OOSP4A: variants seen among roughly 807,000 people sequenced by gnomAD.
The protein encoded by OOSP4A is oocyte-secreted protein 4A.
chr11:59,968,826 A>G (rs1854128824), intron 3 of OOSP4A, among the ~76,000 whole-genome samples: 1 of 152,214 alleles, frequency 6.6e-6, no homozygotes, highest in Non-Finnish European at 1.5e-5. Flanking sequence ...CATTCTCTGT[A>G]GATGTCTGTT....
chr11:59,966,763 C>G (rs113921857), intron 2 of OOSP4A, among the ~76,000 whole-genome samples: 1 of 152,080 alleles, frequency 6.6e-6, no homozygotes, highest in Admixed American at 6.6e-5. Flanking sequence ...TGTGAGCCAA[C>G]GTGCCTGGCC....
intron 1 of OOSP4A, among the ~76,000 whole-genome samples, chr11:59,964,453 G>C (rs1355100685): frequency 6.6e-6 from 1 of 152,084 alleles, no homozygotes; most frequent in Admixed American, 6.6e-5. Flanking sequence ...GTGCCTAAGA[G>C]AGGAGGTTAC....
intron 1 of OOSP4A, among the ~76,000 whole-genome samples, chr11:59,964,989 C>T (rs1854082843): frequency 6.6e-6 from 1 of 151,894 alleles, no homozygotes; most frequent in Admixed American, 6.6e-5. Flanking sequence ...ACAAAGTGTG[C>T]ATGTTGCGAT....
chr11:59,965,489 A>AG (rs1224114994), intron 1 of OOSP4A, 46 bp from the exon 2 acceptor site: 1 of 398,124 alleles, frequency 2.5e-6, no homozygotes, highest in Non-Finnish European at 4.4e-6. Flanking sequence ...GTTTGGGGGC[A>AG]GACGTACTAT....
chr11:59,970,166 A>T, downstream of OOSP4A: 1 of 397,672 alleles, frequency 2.5e-6, no homozygotes, highest in Non-Finnish European at 4.4e-6. Flanking sequence ...CTGCTTGAGG[A>T]TTTCATTGCC....
At chr11:59,967,390 A>G (rs547859420) in intron 3 of OOSP4A, among the ~76,000 whole-genome samples, 2 of 152,332 alleles carry the variant, frequency 1.3e-5, no homozygotes, top group South Asian at 2.1e-4. Context: ...ATTGAATTCT[A>G]CAGTCACTAA....
intron 2 of OOSP4A, among the ~76,000 whole-genome samples, chr11:59,966,029 A>T (rs1854094913): frequency 6.6e-6 from 1 of 152,046 alleles, no homozygotes; most frequent in African/African-American, 2.4e-5. Context: ...AGTTTGAGAG[A>T]AACATTTCGT....
At chr11:59,966,370 C>T (rs1425449825) in intron 2 of OOSP4A, among the ~76,000 whole-genome samples, 2 of 151,160 alleles carry the variant, frequency 1.3e-5, no homozygotes, top group East Asian at 3.9e-4. Context: ...TTGGCAAGTA[C>T]TCAATTTAGC....
chr11:59,966,890 AT>A (rs1232691136), intron 2 of OOSP4A, among the ~76,000 whole-genome samples, 176 bp from the exon 3 acceptor site: 1 of 152,136 alleles, frequency 6.6e-6, no homozygotes, highest in African/African-American at 2.4e-5. Flanking sequence ...AAAACCAGGG[AT>A]TTTTATCACT....
chr11:59,965,780 C>T lies in OOSP4A; in HGVS notation c.246+67C>T, dbSNP rs899891575. The T allele has an allele frequency of 7.5e-6, 3 of 397,624 alleles. No individual in the cohort carries two copies. In the South Asian group the frequency reaches 4.0e-4, roughly 54 times the overall value. The allele number at this position is 397,624 out of a possible 1,614,324, so 24.6% of individuals were successfully genotyped here. On this transcript the variant is annotated intron_variant, in intron 2 of 4. Transcript: ENST00000645590. Reference sequence around the variant, plus strand: ...CTGTTTTGGGTCCACAAACCAATGACTAAAACTGCAGTATTCACATTTTAA... The same window carrying T: ...CTGTTTTGGGTCCACAAACCAATGATTAAAACTGCAGTATTCACATTTTAA...
At chr11:59,967,550 G>A (rs577772226) in intron 3 of OOSP4A, among the ~76,000 whole-genome samples, 11 of 152,130 alleles carry the variant, frequency 7.2e-5, no homozygotes, top group African/African-American at 2.7e-4. Context: ...ATGTGGGGAG[G>A]AGCCAAGAGA....
At chr11:59,967,373 T>C (rs1391586176) in intron 3 of OOSP4A, among the ~76,000 whole-genome samples, 1 of 152,196 alleles carries the variant, frequency 6.6e-6, no homozygotes, top group Non-Finnish European at 1.5e-5. Flanking sequence ...TCAGTTGTTA[T>C]ATGAGAATTG....
intron 3 of OOSP4A, 28 bp from the exon 4 acceptor site, chr11:59,969,122 C>A: frequency 2.5e-6 from 1 of 398,246 alleles, no homozygotes; most frequent in Non-Finnish European, 4.4e-6. Flanking sequence ...ATATACAAAG[C>A]TTAAATATAT....
chr11:59,966,247 T>C (rs890830264), intron 2 of OOSP4A, among the ~76,000 whole-genome samples: 1 of 151,958 alleles, frequency 6.6e-6, no homozygotes, highest in Admixed American at 6.6e-5. Flanking sequence ...GTATCACATC[T>C]ATTTCTAGTA....
At chr11:59,964,496 G>A (rs1854077236) in intron 1 of OOSP4A, among the ~76,000 whole-genome samples, 1 of 152,098 alleles carries the variant, frequency 6.6e-6, no homozygotes, top group South Asian at 2.1e-4. Context: ...GGGGTATGAA[G>A]TTTGGACAGA....
chr11:59,968,550 G>A (rs1854125193), intron 3 of OOSP4A, among the ~76,000 whole-genome samples: 3 of 152,142 alleles, frequency 2.0e-5, no homozygotes, highest in African/African-American at 7.2e-5. Context: ...TGATACCTGT[G>A]GGGGAAATTA....
intron 4 of OOSP4A, 41 bp downstream of exon 4, chr11:59,969,325 C>T: frequency 2.5e-6 from 1 of 397,772 alleles, no homozygotes; most frequent in Middle Eastern, 6.3e-4. Context: ...GTTTACAGTA[C>T]ATTTATATAA....
chr11:59,966,275 C>T (rs1007985060), intron 2 of OOSP4A, among the ~76,000 whole-genome samples: 2 of 150,332 alleles, frequency 1.3e-5, no homozygotes, highest in African/African-American at 4.9e-5. Context: ...TTTAGGTGAA[C>T]TGATTCTATT....
intron 2 of OOSP4A, 32 bp downstream of exon 2, chr11:59,965,745 T>A: frequency 2.5e-6 from 1 of 398,282 alleles, no homozygotes; most frequent in Non-Finnish European, 4.4e-6. Flanking sequence ...ACCAATAATA[T>A]ATCTTTTGAC....
Sources: allele counts gnomAD v4.1 joint callset (sites outside exome capture counted in the v4.1 genomes callset), GRCh38; gene constraint gnomAD v4.1.1; transcripts MANE v1.5; gene names NCBI Gene and HGNC (gene_info 2026-07-23, HGNC 2026-07-21).